Variants in PCDHGB2 observed in about 807,000 individuals in gnomAD.
PCDHGB2 encodes protocadherin gamma-B2.
Under a neutral mutation model 59.3 loss-of-function variants are expected in PCDHGB2, and 55 were observed. The ratio of observed to expected loss-of-function variants is 0.93; its 90% CI spans 0.75 to 1.16. PCDHGB2 has a LOEUF of 1.16. PCDHGB2 is among the 50% of genes most tolerant of loss of function. PCDHGB2 has a pLI of 0.00. For missense variants in PCDHGB2, 1,228 were observed against 1,198.5 expected (o/e 1.02, Z -0.36); for synonymous variants, 516 against 512.0 (o/e 1.01, Z -0.11).
rs369748404 is a variant in PCDHGB2 at position 141,476,671 on chromosome 5, G to A, written c.2422-18136G>A. The A allele has an allele frequency of 6.2e-7, 1 of 1,614,128 alleles. No homozygotes were observed. Among genetic ancestry groups the A allele is most frequent in the Non-Finnish European group, 8.5e-7 (1 of 1,180,056 alleles). On this transcript the variant is annotated intron_variant, in intron 1 of 3. Coordinates refer to ENST00000522605, the MANE Select transcript of PCDHGB2 (RefSeq NM_018923.3). This position sits in a 1 kb window ranked among gnomAD's most constrained non-coding sequence, Gnocchi z 7.6. ...ATGAATACTTTGCGCTTCGCGTGCA[G>A]ACGCGGGAGGACAGCACCAAGTACG...
At chr5:141,403,094 A>G in intron 1 of PCDHGB2, 1 of 1,614,064 alleles carries the variant, frequency 6.2e-7, no homozygotes, top group Non-Finnish European at 8.5e-7. Flanking sequence ...TGTGGGCAAC[A>G]TCTCCAAGGA....
intron 1 of PCDHGB2, chr5:141,384,650 C>T (rs1213467381): frequency 6.2e-7 from 1 of 1,614,104 alleles, no homozygotes; most frequent in East Asian, 2.2e-5. Context: ...TCCGCAGAGC[C>T]CGGCTACCTG....
intron 1 of PCDHGB2, among the ~76,000 whole-genome samples, chr5:141,368,962 C>T (rs562789740): frequency 6.6e-6 from 1 of 152,310 alleles, no homozygotes; most frequent in South Asian, 2.1e-4. Context: ...GTTTAAGATG[C>T]TATAATGCTT....
intron 1 of PCDHGB2, chr5:141,417,615 A>G (rs908930043): frequency 3.2e-6 from 2 of 629,140 alleles, no homozygotes; most frequent in Non-Finnish European, 5.1e-6. Flanking sequence ...CGGCCAGTGC[A>G]GAGCAAGCGC....
In PCDHGB2 at chr5:141,362,228, T is replaced by G; in HGVS notation, c.2093T>G (p.Leu698Trp). The change falls in exon 1 of 4, where the codon TTG (leucine) becomes TGG (tryptophan). Residue 698 changes from leucine (L) to tryptophan (W), a missense_variant. Physicochemically the swap from Leu to Trp is moderately conservative, Grantham distance 61 (BLOSUM62 -2). Coordinates refer to ENST00000522605, the MANE Select transcript of PCDHGB2 (RefSeq NM_018923.3). ...TTTTACCTGGTTGTGGCCTTGGCCT[T>G]GATCTCAGTGCTCTTCTTCCTCGCG... ...LQFYLVVALA[L>W]ISVLFFLAVI... 1 of 1,614,028 alleles carries G rather than the reference T, an allele frequency of 6.2e-7. No homozygotes were observed. Among genetic ancestry groups the G allele is most frequent in the Non-Finnish European group, 8.5e-7 (1 of 1,179,888 alleles).
intron 1 of PCDHGB2, 118 bp downstream of exon 1, chr5:141,362,674 A>G (rs774822554): frequency 5.1e-5 from 63 of 1,246,738 alleles, no homozygotes; most frequent in Non-Finnish European, 5.8e-5. Context: ...TTGTGCCTTA[A>G]TTGTCTTAAT....
rs146372628 is a variant in PCDHGB2, at chr5:141,476,246, G to A, written c.2422-18561G>A. On this transcript the variant is annotated intron_variant, in intron 1 of 3. Coordinates refer to ENST00000522605, the MANE Select transcript of PCDHGB2 (RefSeq NM_018923.3). The surrounding 1 kb of genome is among the most constrained non-coding windows in gnomAD (Gnocchi z 7.6). ...TGAGATCCCGGAGGAAAGAGAGAAG[G>A]GTTTCGCTGTGGGCAACGTGGTCGC... 1.0e-3 allele frequency: 1,689 copies of A among 1,613,996 alleles called. 1 individual carries two copies. Among genetic ancestry groups the A allele is most frequent in the Non-Finnish European group, 1.3e-3 (1,557 of 1,180,008 alleles).
intron 1 of PCDHGB2, chr5:141,399,446 A>G (rs2093810942): frequency 6.2e-7 from 1 of 1,613,826 alleles, no homozygotes; most frequent in South Asian, 1.1e-5. Flanking sequence ...CATATCAGAG[A>G]CGTCAACGAT....
At chr5:141,403,118 C>A (rs780657795) in intron 1 of PCDHGB2, 2 of 1,614,058 alleles carry the variant, frequency 1.2e-6, no homozygotes. Context: ...GGCTCTGGAG[C>A]CCCGGGAGCT....
intron 1 of PCDHGB2, chr5:141,399,373 G>A: frequency 6.2e-7 from 1 of 1,613,982 alleles, no homozygotes; most frequent in Non-Finnish European, 8.5e-7. Flanking sequence ...GGAGTACAAT[G>A]TCACCATCAC....
chr5:141,384,898 A>G (rs982769749), intron 1 of PCDHGB2: 168 of 1,613,752 alleles, frequency 1.0e-4, no homozygotes, highest in Non-Finnish European at 1.3e-4. Flanking sequence ...TGTGGCTGAC[A>G]GCATCCCCGA....
Position 141,476,836 on chromosome 5 carries a change from T to G in PCDHGB2, c.2422-17971T>G. 1 of 1,613,652 alleles carries G rather than the reference T, an allele frequency of 6.2e-7. No homozygotes were observed. The highest frequency in any genetic ancestry group is 8.5e-7 in the Non-Finnish European group (1 of 1,180,042). On this transcript the variant is annotated intron_variant, in intron 1 of 3. Coordinates refer to ENST00000522605, the MANE Select transcript of PCDHGB2 (RefSeq NM_018923.3). The surrounding 1 kb of genome is among the most constrained non-coding windows in gnomAD (Gnocchi z 7.6). ...TCAAGGTGCTGGACGCGAATGACAATGCGCCTGTCTTCAACCAGTCCTTGT... is the reference window on the plus strand; with the variant it reads ...TCAAGGTGCTGGACGCGAATGACAAGGCGCCTGTCTTCAACCAGTCCTTGT...
intron 1 of PCDHGB2, chr5:141,414,054 G>A: frequency 6.2e-7 from 1 of 1,610,250 alleles, no homozygotes; most frequent in Non-Finnish European, 8.5e-7. Flanking sequence ...ACACGCAATT[G>A]TTGAAGTTCC....
At chr5:141,425,484 TA>T (rs929097245) in intron 1 of PCDHGB2, among the ~76,000 whole-genome samples, 1 of 152,258 alleles carries the variant, frequency 6.6e-6, no homozygotes, top group African/African-American at 2.4e-5. Context: ...TATGGCAACC[TA>T]CTAGGCTATA....
chr5:141,377,273 A>G (rs910126061), intron 1 of PCDHGB2: 1 of 96,864 alleles, frequency 1.0e-5, no homozygotes, highest in African/African-American at 5.8e-5. Flanking sequence ...CTAATGTGGG[A>G]AAAAAAATAA....
chr5:141,386,113 A>G (rs187458187), intron 1 of PCDHGB2: 12 of 152,338 alleles, frequency 7.9e-5, no homozygotes, highest in Admixed American at 2.0e-4. Context: ...TGGGCTATCA[A>G]AGTGGGAGAT....
intron 1 of PCDHGB2, among the ~76,000 whole-genome samples, chr5:141,401,154 C>A (rs753624238): frequency 6.6e-5 from 10 of 152,086 alleles, no homozygotes; most frequent in Non-Finnish European, 1.5e-4. Context: ...CCAGCCTGGG[C>A]AATATGGTGA....
At chr5:141,498,971 G>GGGAGGGAAGGAAGGAAGGAA (rs2099787588) in intron 2 of PCDHGB2, among the ~76,000 whole-genome samples, 11 of 111,048 alleles carry the variant, frequency 9.9e-5, no homozygotes, top group African/African-American at 3.2e-4. Context: ...GAGGGAGGGA[G>GGGAGGGAAGGAAGGAAGGAA]GGAAGGAAGG....
In PCDHGB2 at chr5:141,383,143, G is replaced by T. The variant is rs371358932; in HGVS notation, c.2421+20587G>T. 1.9e-5 allele frequency: 30 copies of T among 1,614,090 alleles called. No homozygotes were observed. The African/African-American group carries it at 3.1e-4, about 16-fold the overall frequency. ...GCTTTTCGCCCTGAACCAGCGCAGC[G>T]GCAGCTTGGTCACTGCGGGCAGGAT... On this transcript the variant is annotated intron_variant, in intron 1 of 3. Coordinates refer to ENST00000522605, the MANE Select transcript of PCDHGB2 (RefSeq NM_018923.3).
Sources: allele counts gnomAD v4.1 joint callset (sites outside exome capture counted in the v4.1 genomes callset), GRCh38; gene constraint gnomAD v4.1.1; non-coding constraint Gnocchi (gnomAD v3.1); transcripts MANE v1.5; gene names NCBI Gene and HGNC (gene_info 2026-07-23, HGNC 2026-07-21).